CTSZ: variants seen among roughly 807,000 people sequenced by gnomAD.
CTSZ encodes the protein carboxypeptidase LB.
Under a neutral mutation model 32.4 loss-of-function variants are expected in CTSZ, and 39 were observed. That is an observed-to-expected ratio of 1.20 (90% CI 0.93 to 1.57). The LOEUF is 1.57. CTSZ is among the 40% of genes most tolerant of loss of function. CTSZ has a pLI of 0.00. For synonymous variants in CTSZ, 168 were observed against 170.1 expected, an observed-to-expected ratio of 0.99 and a Z score of 0.10; for missense variants, 397 against 419.6, an observed-to-expected ratio of 0.95 and a Z score of 0.47.
In CTSZ at chr20:58,996,707, C is replaced by T. The variant is rs758072520; in HGVS notation, c.733G>A (p.Val245Met). 9.3e-6 allele frequency: 15 copies of T among 1,614,076 alleles called. No individual in the cohort carries two copies. Among genetic ancestry groups the T allele is most frequent in the African/African-American group, 1.3e-5 (1 of 74,934 alleles). The change falls in exon 5 of 6, where the codon GTG (valine) becomes ATG (methionine). Residue 245 changes from valine (V) to methionine (M), a missense_variant. Coordinates refer to ENST00000217131, the MANE Select transcript of CTSZ (RefSeq NM_001336.4). ...CCATCACTGATGCCCCACCCAGCCA[C>T]AGAAACGACATGGTTTATATATGTG... Reference protein sequence around the residue: ...DTTYINHVVSVAGWGISDGTE... With the variant: ...DTTYINHVVSMAGWGISDGTE...
Position 59,001,466 on chromosome 20 carries a change from C to T in CTSZ, c.486G>A (p.Gln162=). 6.2e-7 allele frequency: 1 copy of T among 1,610,446 alleles called. No individual in the cohort carries two copies. Among genetic ancestry groups the T allele is most frequent in the Non-Finnish European group, 8.5e-7 (1 of 1,177,410 alleles). Residue 162 remains glutamine (Q), a splice_region_variant and synonymous_variant, in exon 3 of 6, where the codon CAG becomes CAA. Transcript: ENST00000217131. ...ETCNNYQAKD[Q]ECDKFNQCGT... The stretch of plus-strand genomic sequence containing the variant: ...GTGGGGGCACGGGCAGCAGCCTACC[C>T]TGGTCCTTGGCCTGGTAGTTGTTGC...
rs1319320085 is a variant in CTSZ at position 58,995,204 on chromosome 20, C to T, written c.*445G>A. The T allele has an allele frequency of 1.7e-5, 3 of 173,050 alleles. No homozygotes were observed. 10.7% of individuals were successfully genotyped at this position (173,050 alleles called of 1,614,324 possible). A position where few individuals can be genotyped will look rare whatever the true frequency, so the allele number is the denominator to read the frequency against. The stretch of plus-strand genomic sequence containing the variant: ...CCTCAGTCTCGTGCAGAGCCAGATA[C>T]TTTATTCATCACTTGGGCGATTTGA... On this transcript the variant is annotated 3_prime_UTR_variant, in exon 6 of 6. Coordinates refer to ENST00000217131, the MANE Select transcript of CTSZ (RefSeq NM_001336.4).
chr20:58,997,606 A>G lies in CTSZ; in HGVS notation c.635T>C (p.Ile212Thr). 3 of 1,586,826 alleles carry G rather than the reference A, an allele frequency of 1.9e-6. No individual in the cohort carries two copies. Among genetic ancestry groups the G allele is most frequent in the Non-Finnish European group, 2.6e-6 (3 of 1,165,296 alleles). ...MMAEIYANGP[I>T]SCGIMATERL... ...TGCCCGCGGGACCTCTCCTCACCTGATGGGACCATTTGCATAGATTTCTGC... is the reference window on the plus strand; with the variant it reads ...TGCCCGCGGGACCTCTCCTCACCTGGTGGGACCATTTGCATAGATTTCTGC... The change falls in exon 4 of 6, where the codon ATC becomes ACC. Residue 212 changes from isoleucine to threonine, a missense_variant. Coordinates refer to ENST00000217131, the MANE Select transcript of CTSZ (RefSeq NM_001336.4).
At chr20:58,999,942 G>A (rs939198201) in intron 3 of CTSZ, among the ~76,000 whole-genome samples, 3 of 152,226 alleles carry the variant, frequency 2.0e-5, no homozygotes, top group African/African-American at 7.2e-5. Context: ...GGTGGCGGGC[G>A]CCTGTAGTCC....
chr20:58,996,763 G>A lies in CTSZ; in HGVS notation c.677C>T (p.Thr226Ile). The A allele has an allele frequency of 1.9e-6, 3 of 1,614,158 alleles. No individual in the cohort carries two copies. Among genetic ancestry groups the A allele is most frequent in the Non-Finnish European group, 2.5e-6 (3 of 1,180,022 alleles). The change falls in exon 5 of 6, where the codon ACC becomes ATC. Residue 226 changes from threonine (T) to isoleucine (I), a missense_variant. Physicochemically the swap from Thr to Ile is moderately conservative, Grantham distance 89. Transcript: ENST00000217131. ...CTGGTATTCGGCATAGATGCCTCCG[G>A]TGTAGTTAGCCAGTCTTTCTGTTGC... ...IMATERLANY[T>I]GGIYAEYQDT...
At position 58,996,648 on chromosome 20, in the gene CTSZ, A is replaced by G. The variant is rs763235073; in HGVS notation, c.792T>C (p.Gly264=). The change falls in exon 5 of 6, where the codon GGT becomes GGC. Residue 264 remains glycine (G), a synonymous_variant. Transcript: ENST00000217131. ...TEYWIVRNSW[G]EPWGERGWLR... is the part of the protein sequence containing the mutation. ...AATGAAAACATCTTACCCATGGTTC[A>G]CCCCATGAATTCCGGACAATCCAGT... 3 of 1,614,064 alleles carry G rather than the reference A, an allele frequency of 1.9e-6. No individual in the cohort carries two copies. In the African/African-American group the frequency reaches 4.0e-5, roughly 22 times the overall value.
intron 3 of CTSZ, among the ~76,000 whole-genome samples, chr20:58,998,705 T>C (rs986547017): frequency 6.6e-6 from 1 of 151,948 alleles, no homozygotes; most frequent in South Asian, 2.1e-4. Flanking sequence ...AGAAAAAAAA[T>C]TTTATAAATT....
intron 3 of CTSZ, among the ~76,000 whole-genome samples, chr20:58,999,517 C>T (rs2146362605): frequency 6.6e-6 from 1 of 151,632 alleles, no homozygotes; most frequent in African/African-American, 2.4e-5. Context: ...CACCTTCCAT[C>T]TGTCCCCCTT....
chr20:59,007,247 C>G lies in CTSZ; in HGVS notation c.-119G>C, dbSNP rs1448117773. The G allele has an allele frequency of 2.5e-6, 3 of 1,205,634 alleles. No individual in the cohort carries two copies. Among genetic ancestry groups the G allele is most frequent in the African/African-American group, 1.6e-5 (1 of 62,730 alleles). 74.7% of individuals were successfully genotyped at this position (1,205,634 alleles called of 1,614,324 possible). ...CCTCGGCCCAGCACCCGGCCGACCC[C>G]GCACTTTGGGCCCCTGCCCCGCCCG... On this transcript the variant is annotated 5_prime_UTR_variant, in exon 1 of 6. Coordinates refer to ENST00000217131, the MANE Select transcript of CTSZ (RefSeq NM_001336.4).
intron 3 of CTSZ, among the ~76,000 whole-genome samples, chr20:58,998,145 T>C (rs1400115108): frequency 6.6e-6 from 1 of 152,060 alleles, no homozygotes; most frequent in Non-Finnish European, 1.5e-5. Context: ...GCCAATACTT[T>C]GGGTAACAAC....
rs10582096 is a variant in CTSZ, at chr20:58,997,161, CAAAAAA to C, written c.639-366_639-361del. On this transcript the variant is annotated intron_variant, in intron 4 of 5. Transcript: ENST00000217131. Reference sequence around the variant, plus strand: ...TGGGTGACAGAGTGAGACTGTGTTTCAAAAAAAAAAAAAAAAAAAAAAATCTGGTAT... The same window carrying C: ...TGGGTGACAGAGTGAGACTGTGTTTCAAAAAAAAAAAAAAAAATCTGGTAT... Among the ~76,000 whole-genome samples the C allele has an allele frequency of 1.9e-3, 205 of 105,396 alleles. 1 individual carries two copies. The East Asian group carries it at 0.042, about 22-fold the overall frequency. 69.1% of individuals were successfully genotyped at this position (105,396 alleles called of 152,430 possible).
Position 59,002,150 on chromosome 20 carries a change from G to A in CTSZ, c.308-506C>T. ...GGGCCAGATGCGGTCCTGAGGGCTG[G>A]GGAAGGCCAGCAGGGACCCAGCCCC... On this transcript the variant is annotated intron_variant, in intron 2 of 5. Coordinates refer to ENST00000217131, the MANE Select transcript of CTSZ (RefSeq NM_001336.4). The surrounding 1 kb of genome is among the most constrained non-coding windows in gnomAD (Gnocchi z 4.1). Among the ~76,000 whole-genome samples, 1 of 152,214 alleles carries A rather than the reference G, an allele frequency of 6.6e-6. No homozygotes were observed.
intron 5 of CTSZ, among the ~76,000 whole-genome samples, chr20:58,996,177 A>T (rs2091858890): frequency 6.6e-6 from 1 of 152,204 alleles, no homozygotes; most frequent in Non-Finnish European, 1.5e-5. Context: ...TCTGGCAGTT[A>T]ATTTCTCTCT....
chr20:58,996,480 G>A (rs1483408267), intron 5 of CTSZ, 159 bp downstream of exon 5: 5 of 732,812 alleles, frequency 6.8e-6, no homozygotes, highest in Admixed American at 2.2e-5. Context: ...GAAGGGTCTG[G>A]CCCCAAAAGC....
At chr20:59,006,518 C>T in intron 1 of CTSZ, 33 bp from the exon 2 acceptor site, 3 of 1,583,318 alleles carry the variant, frequency 1.9e-6, no homozygotes, top group South Asian at 1.1e-5. Flanking sequence ...CAGATCGGTG[C>T]TGGGGCTCCC....
At position 59,004,900 on chromosome 20, in the gene CTSZ, C is replaced by T. The variant is rs2091903207; in HGVS notation, c.307+1422G>A. 6.6e-6 allele frequency among the ~76,000 whole-genome samples: 1 copy of T among 152,070 alleles called. No individual in the cohort carries two copies. The highest frequency in any genetic ancestry group is 2.4e-5 in the African/African-American group (1 of 41,390). On this transcript the variant is annotated intron_variant, in intron 2 of 5. Coordinates refer to ENST00000217131, the MANE Select transcript of CTSZ (RefSeq NM_001336.4). This position sits in a 1 kb window ranked among gnomAD's most constrained non-coding sequence, Gnocchi z 5.6. Reference sequence around the variant, plus strand: ...TGACCCCTGGCCAGGGTCCCACATCCATCTGAAAGCCATCTCCTTTCTACC... The same window carrying T: ...TGACCCCTGGCCAGGGTCCCACATCTATCTGAAAGCCATCTCCTTTCTACC...
intron 3 of CTSZ, among the ~76,000 whole-genome samples, chr20:59,001,121 G>A (rs1023298479): frequency 2.6e-5 from 4 of 152,160 alleles, no homozygotes; most frequent in Admixed American, 2.0e-4. Context: ...GAGCCACCGC[G>A]CGCATGGCCA....
chr20:59,003,866 A>G (rs1373666746), intron 2 of CTSZ, among the ~76,000 whole-genome samples: 1 of 152,140 alleles, frequency 6.6e-6, no homozygotes, highest in African/African-American at 2.4e-5. Context: ...TCTGAGTGGA[A>G]TCCTGAGAGG....
Position 59,002,542 on chromosome 20 carries a change from GAC to G in CTSZ, c.308-900_308-899del, listed in dbSNP as rs1568683486. Among the ~76,000 whole-genome samples the G allele has an allele frequency of 6.6e-6, 1 of 151,950 alleles. No homozygotes were observed. Among genetic ancestry groups the G allele is most frequent in the Non-Finnish European group, 1.5e-5 (1 of 67,974 alleles). ...CTCTGCCCATTGGCAGCCCCCTCTG[GAC>G]CTGCACATCCCCTCCATCTCTTGTC... is the stretch of plus-strand genomic sequence containing the variant. On this transcript the variant is annotated intron_variant, in intron 2 of 5. Transcript: ENST00000217131. This position sits in a 1 kb window ranked among gnomAD's most constrained non-coding sequence, Gnocchi z 4.1.
Sources: gnomAD v4.1 joint callset for allele counts (sites outside exome capture counted in the v4.1 genomes callset) on GRCh38, gnomAD v4.1.1 for gene constraint, Gnocchi (gnomAD v3.1) non-coding constraint, MANE v1.5 for transcripts, NCBI Gene and HGNC (gene_info 2026-07-23, HGNC 2026-07-21) for gene names.